The following ZFC3H1 variants were observed in gnomAD, a reference collection of about 807,000 sequenced individuals.
ZFC3H1 encodes the protein zinc finger C3H1-type containing, also known as zinc finger C3H1 domain-containing protein.
Under a neutral mutation model 243.7 loss-of-function variants are expected in ZFC3H1, and 71 were observed. That is an observed-to-expected ratio of 0.29 (90% CI 0.24 to 0.36). The LOEUF is 0.36. Ranked by LOEUF, ZFC3H1 falls within the 10% of genes least tolerant of loss-of-function variation. ZFC3H1 has a pLI of 1.00. For synonymous variants in ZFC3H1, 838 were observed against 813.0 expected (o/e 1.03, Z -0.52); for missense variants, 1,966 against 2,317.1 (o/e 0.85, Z 3.11).
chr12:71,613,674 A>C (rs1879827182), intron 30 of ZFC3H1: 1 of 333,100 alleles, frequency 3.0e-6, no homozygotes, highest in Non-Finnish European at 5.5e-6. Flanking sequence ...AGAAGCCAGG[A>C]GTCTGGGTTT....
chr12:71,630,114 T>G (rs1268646788), intron 18 of ZFC3H1, among the ~76,000 whole-genome samples: 2 of 150,158 alleles, frequency 1.3e-5, no homozygotes, highest in African/African-American at 5.0e-5. Context: ...AGAAAAAGCT[T>G]AATAATATTT....
At chr12:71,612,749 G>C (rs969793983) in intron 31 of ZFC3H1, among the ~76,000 whole-genome samples, 2 of 152,156 alleles carry the variant, frequency 1.3e-5, no homozygotes, top group Admixed American at 6.6e-5. Flanking sequence ...AGCATGCAGG[G>C]TACCTTTTTG....
In ZFC3H1 at chr12:71,657,285, C is replaced by T; in HGVS notation, c.615G>A (p.Arg205=). ...PPRKSSKSFG[R]SPSRKQNYSS... is the part of the protein sequence containing the mutation. ...AATAATTTTGTTTTCTTGATGGAGA[C>T]CTTCCAAAACTTTTGGCTGAACAGC... is the stretch of plus-strand genomic sequence containing the variant. The change falls in exon 2 of 35, where the codon AGG becomes AGA. Residue 205 remains arginine (R), a synonymous_variant. Transcript: ENST00000378743. The T allele has an allele frequency of 6.5e-7, 1 of 1,542,396 alleles. No homozygotes were observed. Among genetic ancestry groups the T allele is most frequent in the Non-Finnish European group, 8.7e-7 (1 of 1,150,152 alleles).
Position 71,656,893 on chromosome 12 carries a change from G to GA in ZFC3H1, c.1006dup (p.Ser336PhefsTer2). 6.2e-7 allele frequency: 1 copy of GA among 1,609,580 alleles called. No individual in the cohort carries two copies. Among genetic ancestry groups the GA allele is most frequent in the Non-Finnish European group, 8.5e-7 (1 of 1,178,290 alleles). On this transcript the variant is annotated frameshift_variant, in exon 2 of 35. Transcript: ENST00000378743. LOFTEE classifies it high-confidence loss of function. ...ATATTTAATTCCATTACCTTGACTA[G>GA]AATCAGTAGTGTCGGATTTCAGGGA...
At chr12:71,661,032 G>A (rs975851951) in intron 1 of ZFC3H1, among the ~76,000 whole-genome samples, 6 of 151,800 alleles carry the variant, frequency 4.0e-5, no homozygotes, top group Non-Finnish European at 8.8e-5. Context: ...GGCTGGGCAC[G>A]GTGGCTCATG....
rs1028137068 is a variant in ZFC3H1, at chr12:71,632,822, C to A, written c.2817+64G>T. The A allele has an allele frequency of 3.5e-5, 56 of 1,586,186 alleles. No individual in the cohort carries two copies. The East Asian group carries it at 1.3e-3, about 36-fold the overall frequency. On this transcript the variant is annotated intron_variant, in intron 14 of 34. Coordinates refer to ENST00000378743, the MANE Select transcript of ZFC3H1 (RefSeq NM_144982.5). ...AGAGTTACTTTATATATACATCTTACCCTTAAAACTATCATAAAAACTTTC... is the reference window on the plus strand; with the variant it reads ...AGAGTTACTTTATATATACATCTTAACCTTAAAACTATCATAAAAACTTTC...
chr12:71,631,640 T>C, intron 16 of ZFC3H1, 138 bp downstream of exon 16: 4 of 698,090 alleles, frequency 5.7e-6, no homozygotes, highest in Non-Finnish European at 8.9e-6. Context: ...TTAATTTTTA[T>C]GTTCCTTAAA....
At chr12:71,650,535 T>C (rs1245592282) in intron 2 of ZFC3H1, among the ~76,000 whole-genome samples, 3 of 152,092 alleles carry the variant, frequency 2.0e-5, no homozygotes, top group Non-Finnish European at 2.9e-5. Context: ...AGCACACAGG[T>C]AGTAGTTAAA....
chr12:71,646,822 T>C (rs1880741213), intron 3 of ZFC3H1, among the ~76,000 whole-genome samples: 1 of 152,226 alleles, frequency 6.6e-6, no homozygotes, highest in African/African-American at 2.4e-5. Flanking sequence ...CACCCACCTA[T>C]ATGCTACGTG....
At chr12:71,614,402 C>T (rs1879845725) in intron 30 of ZFC3H1, 133 bp downstream of exon 30, 1 of 797,862 alleles carries the variant, frequency 1.3e-6, no homozygotes, top group Non-Finnish European at 1.8e-6. Flanking sequence ...GAAACATAGT[C>T]AAGAATAATA....
intron 6 of ZFC3H1, 127 bp downstream of exon 6, chr12:71,642,309 A>G: frequency 9.7e-7 from 1 of 1,030,822 alleles, no homozygotes. Context: ...AATAATGTCT[A>G]TCGCCATACA....
At position 71,663,025 on chromosome 12, in the gene ZFC3H1, G is replaced by A; in HGVS notation, c.586C>T (p.Pro196Ser). The A allele has an allele frequency of 1.2e-6, 2 of 1,604,732 alleles. No individual in the cohort carries two copies. The highest frequency in any genetic ancestry group is 1.1e-5 in the South Asian group (1 of 90,852). The change falls in exon 1 of 35, where the codon CCT (proline) becomes TCT (serine). Residue 196 changes from proline (P) to serine (S), a missense_variant. Coordinates refer to ENST00000378743, the MANE Select transcript of ZFC3H1 (RefSeq NM_144982.5). ...SSQSWREPSP[P>S]RKSSKSFGRS... Reference sequence around the variant, plus strand: ...ACGTTAAGGATACAGCTCTTCCGAGGTGGAGAGGGCTCTCGCCAGCTCTGA... The same window carrying A: ...ACGTTAAGGATACAGCTCTTCCGAGATGGAGAGGGCTCTCGCCAGCTCTGA...
At position 71,610,340 on chromosome 12, in the gene ZFC3H1, C is replaced by G. The variant is rs1050630503; in HGVS notation, c.*88G>C. The G allele has an allele frequency of 6.7e-7, 1 of 1,484,450 alleles. No homozygotes were observed. The highest frequency in any genetic ancestry group is 9.1e-7 in the Non-Finnish European group (1 of 1,093,344). 92.0% of individuals were successfully genotyped at this position (1,484,450 alleles called of 1,614,324 possible). On this transcript the variant is annotated 3_prime_UTR_variant, in exon 35 of 35. Coordinates refer to ENST00000378743, the MANE Select transcript of ZFC3H1 (RefSeq NM_144982.5). Reference sequence around the variant, plus strand: ...TAACGCTTGTCTGCCTTACACAGACCTTAGCCAGGGATCAGCCTAATCTTG... The same window carrying G: ...TAACGCTTGTCTGCCTTACACAGACGTTAGCCAGGGATCAGCCTAATCTTG...
chr12:71,638,334 T>C, intron 7 of ZFC3H1, 84 bp downstream of exon 7: 1 of 1,358,522 alleles, frequency 7.4e-7, no homozygotes, highest in Non-Finnish European at 1.0e-6. Flanking sequence ...TTTTAAGCCC[T>C]CTTCAAACCT....
At chr12:71,661,463 T>G (rs1017201182) in intron 1 of ZFC3H1, among the ~76,000 whole-genome samples, 12 of 151,086 alleles carry the variant, frequency 7.9e-5, no homozygotes, top group Admixed American at 3.3e-4. Flanking sequence ...TTTTAAAAAG[T>G]TAAATATCTA....
At position 71,631,765 on chromosome 12, in the gene ZFC3H1, C is replaced by A. The variant is rs780928423; in HGVS notation, c.3470+13G>T. 3.8e-6 allele frequency: 6 copies of A among 1,562,052 alleles called. No homozygotes were observed. In the African/African-American group the frequency reaches 7.0e-5, roughly 18 times the overall value. On this transcript the variant is annotated intron_variant, in intron 16 of 34. Coordinates refer to ENST00000378743, the MANE Select transcript of ZFC3H1 (RefSeq NM_144982.5). ...ATCCTGAAATTCAAGCTTATTGAAT[C>A]TTTCTTTTATACCTGTAGGACTTAA...
intron 22 of ZFC3H1, among the ~76,000 whole-genome samples, chr12:71,624,757 G>A (rs1406954287): frequency 6.6e-6 from 1 of 152,010 alleles, no homozygotes; most frequent in Admixed American, 6.6e-5. Context: ...GGTGGATCAC[G>A]TGAGTTTGAG....
At chr12:71,635,010 C>A (rs562040247) in intron 10 of ZFC3H1, among the ~76,000 whole-genome samples, 185 bp from the exon 11 acceptor site, 2 of 152,176 alleles carry the variant, frequency 1.3e-5, no homozygotes, top group South Asian at 2.1e-4. Context: ...GTATACGCCA[C>A]CAAGTAGTGA....
intron 10 of ZFC3H1, among the ~76,000 whole-genome samples, 162 bp downstream of exon 10, chr12:71,635,281 T>C (rs1880431238): frequency 6.6e-6 from 1 of 152,182 alleles, no homozygotes; most frequent in Non-Finnish European, 1.5e-5. Context: ...CATTGATACA[T>C]GCTTCATTAT....
Sources: allele counts gnomAD v4.1 joint callset (sites outside exome capture counted in the v4.1 genomes callset), GRCh38; gene constraint gnomAD v4.1.1; transcripts MANE v1.5; gene names NCBI Gene and HGNC (gene_info 2026-07-23, HGNC 2026-07-21).